The following SLCO1B3 variants were observed in gnomAD, a reference collection of about 807,000 sequenced individuals.
The protein encoded by SLCO1B3 is liver-specific organic anion transporter 2.
A neutral mutation model predicts 71.8 loss-of-function variants in SLCO1B3; 72 were observed. That is an observed-to-expected ratio of 1.00 (90% CI 0.83 to 1.22). SLCO1B3 has a LOEUF of 1.22. Ranked by LOEUF, SLCO1B3 falls within the 50% of genes most tolerant of loss-of-function variation. The pLI, the probability that SLCO1B3 is intolerant of heterozygous loss-of-function variation, is 0.00. For synonymous variants in SLCO1B3, 298 were observed against 278.4 expected, an observed-to-expected ratio of 1.07 and a Z score of -0.70; for missense variants, 911 against 819.7, an observed-to-expected ratio of 1.11 and a Z score of -1.36.
At chr12:20,896,660 G>A (rs1442339290) in intron 13 of SLCO1B3, among the ~76,000 whole-genome samples, 1 of 152,002 alleles carries the variant, frequency 6.6e-6, no homozygotes, top group Admixed American at 6.6e-5. Flanking sequence ...TTTTTTCTGA[G>A]CCCTCCAAAC....
chr12:20,841,797 T>A (rs538775314), intron 3 of SLCO1B3, among the ~76,000 whole-genome samples: 4 of 152,238 alleles, frequency 2.6e-5, no homozygotes, highest in Non-Finnish European at 5.9e-5. Flanking sequence ...CTGTTGGGAT[T>A]TTTTTATGTC....
At chr12:20,811,990 C>T (rs1370789872) in intron 1 of SLCO1B3, among the ~76,000 whole-genome samples, 1 of 150,352 alleles carries the variant, frequency 6.7e-6, no homozygotes, top group African/African-American at 2.5e-5. Context: ...TCACCACAAC[C>T]TCAGCCTCCT....
chr12:20,910,944 T>A (rs1591794486), intron 15 of SLCO1B3, among the ~76,000 whole-genome samples: 1 of 152,068 alleles, frequency 6.6e-6, no homozygotes, highest in Non-Finnish European at 1.5e-5. Context: ...CATTCCCTTT[T>A]GACTTTTTTT....
intron 3 of SLCO1B3, among the ~76,000 whole-genome samples, chr12:20,851,227 C>A (rs944892577): frequency 1.3e-5 from 2 of 152,030 alleles, no homozygotes; most frequent in Non-Finnish European, 2.9e-5. Context: ...CTGCTTGTAA[C>A]TTTTTTGTGA....
intron 2 of SLCO1B3, 103 bp from the exon 3 acceptor site, chr12:20,815,571 A>G: frequency 1.9e-6 from 1 of 534,108 alleles, no homozygotes; most frequent in Non-Finnish European, 3.3e-6. Flanking sequence ...CTGAATGAAT[A>G]TTAGAGAATG....
At chr12:20,855,879 C>T (rs1403549853) in intron 4 of SLCO1B3, among the ~76,000 whole-genome samples, 3 of 151,832 alleles carry the variant, frequency 2.0e-5, no homozygotes, top group African/African-American at 7.2e-5. Context: ...TTTCTTTTCA[C>T]TTTCTAATTA....
At chr12:20,868,474 G>A (rs1865413908) in intron 8 of SLCO1B3, among the ~76,000 whole-genome samples, 1 of 152,082 alleles carries the variant, frequency 6.6e-6, no homozygotes, top group African/African-American at 2.4e-5. Flanking sequence ...CATTGACTGG[G>A]AACTCCCTAT....
chr12:20,847,580 AATTT>A (rs141924387), intron 3 of SLCO1B3, among the ~76,000 whole-genome samples: 15,885 of 152,148 alleles, frequency 0.1, 1,113 homozygotes, highest in Middle Eastern at 0.22. Flanking sequence ...AGTCTATAGT[AATTT>A]ATTATAGCAG....
chr12:20,837,000 C>G (rs78202022), intron 3 of SLCO1B3, among the ~76,000 whole-genome samples: 16 of 152,214 alleles, frequency 1.1e-4, no homozygotes, highest in African/African-American at 3.4e-4. Flanking sequence ...CAGATAAAGG[C>G]CTAATTCAGA....
chr12:20,858,821 A>G (rs185961065), intron 5 of SLCO1B3: 10 of 211,032 alleles, frequency 4.7e-5, no homozygotes, highest in Admixed American at 4.0e-4. Flanking sequence ...ACAGTTTTAT[A>G]TGAAATGAAT....
intron 5 of SLCO1B3, 89 bp from the exon 6 acceptor site, chr12:20,860,928 A>G (rs1299258159): frequency 3.2e-5 from 42 of 1,324,432 alleles, no homozygotes; most frequent in Non-Finnish European, 4.3e-5. Context: ...CAGCGGTTCA[A>G]ATAAAGGAGA....
intron 3 of SLCO1B3, among the ~76,000 whole-genome samples, chr12:20,829,389 A>G (rs1245101466): frequency 6.6e-6 from 1 of 152,226 alleles, no homozygotes; most frequent in Non-Finnish European, 1.5e-5. Context: ...AGTGGGCTGA[A>G]ACTTCAGAAA....
chr12:20,852,146 T>G (rs1474049948), intron 3 of SLCO1B3, among the ~76,000 whole-genome samples: 2 of 152,150 alleles, frequency 1.3e-5, no homozygotes, highest in Non-Finnish European at 2.9e-5. Context: ...TGCCTTTGGA[T>G]TCTCTGTAAA....
At chr12:20,826,772 A>T (rs1280259531) in intron 3 of SLCO1B3, among the ~76,000 whole-genome samples, 1 of 151,758 alleles carries the variant, frequency 6.6e-6, no homozygotes, top group East Asian at 1.9e-4. Flanking sequence ...TATACCTACA[A>T]CTTTCTGTGT....
At position 20,862,400 on chromosome 12, in the gene SLCO1B3, T is replaced by C. The variant is rs1282948701; in HGVS notation, c.482-12T>C. The C allele has an allele frequency of 6.3e-7, 1 of 1,599,612 alleles. No homozygotes were observed. Among genetic ancestry groups the C allele is most frequent in the Non-Finnish European group, 8.5e-7 (1 of 1,175,460 alleles). ...TTAATGTTTAAAGTAAAACACTCTCTTGTCTCGATAGATTGTGTAAAGGAA... is the reference window on the plus strand; with the variant it reads ...TTAATGTTTAAAGTAAAACACTCTCCTGTCTCGATAGATTGTGTAAAGGAA... On this transcript the variant is annotated splice_polypyrimidine_tract_variant and intron_variant, in intron 6 of 15. Coordinates refer to ENST00000381545, the MANE Select transcript of SLCO1B3 (RefSeq NM_019844.4).
At chr12:20,909,452 T>C (rs369383289) in intron 15 of SLCO1B3, among the ~76,000 whole-genome samples, 38 of 151,600 alleles carry the variant, frequency 2.5e-4, no homozygotes, top group Admixed American at 2.1e-3. Flanking sequence ...GGATTACAGG[T>C]GTGAGCCACC....
At chr12:20,909,435 AG>A (rs2120439505) in intron 15 of SLCO1B3, among the ~76,000 whole-genome samples, 1 of 151,790 alleles carries the variant, frequency 6.6e-6, no homozygotes, top group South Asian at 2.1e-4. Context: ...GGCCTCCCAA[AG>A]TGCTGGGATT....
intron 3 of SLCO1B3, among the ~76,000 whole-genome samples, chr12:20,816,426 A>G (rs142309919): frequency 6.6e-6 from 1 of 152,278 alleles, no homozygotes; most frequent in East Asian, 1.9e-4. Flanking sequence ...TTTGATGTTT[A>G]GATCCCACAA....
intron 3 of SLCO1B3, among the ~76,000 whole-genome samples, chr12:20,820,091 G>A (rs1179446671): frequency 6.6e-6 from 1 of 151,850 alleles, no homozygotes; most frequent in Non-Finnish European, 1.5e-5. Flanking sequence ...AAGCCTGGCT[G>A]TCAATACCCA....
Sources: allele counts gnomAD v4.1 joint callset (sites outside exome capture counted in the v4.1 genomes callset), GRCh38; gene constraint gnomAD v4.1.1; transcripts MANE v1.5; gene names NCBI Gene and HGNC (gene_info 2026-07-23, HGNC 2026-07-21).